The following ATP10B variants were observed in gnomAD, a reference collection of about 807,000 sequenced individuals.
ATP10B encodes phospholipid-transporting ATPase VB.
Under a neutral mutation model 141.2 loss-of-function variants are expected in ATP10B, and 122 were observed. The ratio of observed to expected loss-of-function variants is 0.86; its 90% CI spans 0.75 to 1.00. The LOEUF is 1.00. Among genes scored for constraint, ATP10B ranks in the 50% least tolerant of loss-of-function variants. The pLI is 0.00. For missense variants in ATP10B, 1,876 were observed against 1,825.3 expected (o/e 1.03, Z -0.51); for synonymous variants, 685 against 692.0 (o/e 0.99, Z 0.16).
chr5:160,920,164 A>C, the ATP10B span, among the ~76,000 whole-genome samples: 1 of 152,228 alleles, frequency 6.6e-6, no homozygotes, highest in Non-Finnish European at 1.5e-5. Flanking sequence ...TCAAGCACTT[A>C]CAGTCGATCG....
intron 25 of ATP10B, among the ~76,000 whole-genome samples, chr5:160,568,757 G>T (rs982211036): frequency 6.6e-6 from 1 of 152,166 alleles, no homozygotes; most frequent in South Asian, 2.1e-4. Flanking sequence ...AAAATGAGAG[G>T]CTAGATGGGA....
At chr5:160,846,264 G>T (rs887308435) in intron 1 of ATP10B, among the ~76,000 whole-genome samples, 3 of 152,138 alleles carry the variant, frequency 2.0e-5, no homozygotes, top group African/African-American at 7.2e-5. Context: ...AACTTGCCGT[G>T]TTGAGCAGGC....
At chr5:160,692,334 G>C (rs757588463) in intron 3 of ATP10B, among the ~76,000 whole-genome samples, 1 of 152,132 alleles carries the variant, frequency 6.6e-6, no homozygotes, top group Non-Finnish European at 1.5e-5. Context: ...TCACTTTTTA[G>C]TGGAGAAATG....
chr5:160,595,171 C>A (rs747974055), intron 22 of ATP10B, among the ~76,000 whole-genome samples: 14 of 152,290 alleles, frequency 9.2e-5, no homozygotes, highest in Admixed American at 2.0e-4. Flanking sequence ...TGTAAAAGAA[C>A]AGAAATTATA....
the ATP10B span, among the ~76,000 whole-genome samples, chr5:160,921,831 G>A: frequency 6.6e-6 from 1 of 152,224 alleles, no homozygotes; most frequent in Non-Finnish European, 1.5e-5. Context: ...TCGCAGGAGA[G>A]CAAAGATGGC....
chr5:160,906,162 C>T, the ATP10B span, among the ~76,000 whole-genome samples: 1 of 152,128 alleles, frequency 6.6e-6, no homozygotes, highest in Non-Finnish European at 1.5e-5. Flanking sequence ...CAAGAACTTA[C>T]AATGGATCAA....
chr5:160,649,255 T>C lies in ATP10B; in HGVS notation c.677A>G (p.Glu226Gly). 1 of 1,612,600 alleles carries C rather than the reference T, an allele frequency of 6.2e-7. No individual in the cohort carries two copies. The highest frequency in any genetic ancestry group is 1.1e-5 in the South Asian group (1 of 91,032). Residue 226 changes from glutamate to glycine, a missense_variant and splice_region_variant, in exon 8 of 26, where the codon GAG (glutamate) becomes GGG (glycine). Glu to Gly is a moderately conservative substitution (Grantham distance 98). Coordinates refer to ENST00000327245, the MANE Select transcript of ATP10B (RefSeq NM_025153.3). ...GAAAAGCTCTGGTTCGAACTGTACC[T>C]CCTGTGAGAGAGAGGACTCTGTGAG... ...RCVVKGFSQQEVQFEPELFHN... is the reference protein window; with the variant it reads ...RCVVKGFSQQGVQFEPELFHN...
At chr5:160,857,309 A>C in the ATP10B span, among the ~76,000 whole-genome samples, 1 of 151,268 alleles carries the variant, frequency 6.6e-6, no homozygotes, top group African/African-American at 2.4e-5. Flanking sequence ...TTTTTTAAGG[A>C]ATTGGTCCAT....
chr5:160,877,864 A>T, the ATP10B span, among the ~76,000 whole-genome samples: 114 of 139,222 alleles, frequency 8.2e-4, no homozygotes, highest in East Asian at 3.0e-3. Context: ...TACAAACCAC[A>T]GCTCAATGAA....
rs142474049 is a variant in ATP10B at position 160,804,530 on chromosome 5, A to G, written c.-575-18727T>C. On this transcript the variant is annotated intron_variant, in intron 1 of 25. Coordinates refer to ENST00000327245, the MANE Select transcript of ATP10B (RefSeq NM_025153.3). ...AGGGGGAAAACAGGCTTATGAGCCC[A>G]TAGTCATATAGCTGGTAAATTAGGA... 2.6e-3 allele frequency among the ~76,000 whole-genome samples: 399 copies of G among 152,344 alleles called. 1 individual carries two copies. Among genetic ancestry groups the G allele is most frequent in the South Asian group, 0.02 (95 of 4,826 alleles).
At chr5:160,908,973 C>T in the ATP10B span, among the ~76,000 whole-genome samples, 1 of 152,090 alleles carries the variant, frequency 6.6e-6, no homozygotes, top group Non-Finnish European at 1.5e-5. Flanking sequence ...AAATTTAGTT[C>T]ACTATCTTAA....
chr5:160,884,556 C>CT, the ATP10B span, among the ~76,000 whole-genome samples: 1 of 152,172 alleles, frequency 6.6e-6, no homozygotes, highest in Non-Finnish European at 1.5e-5. Flanking sequence ...ATGCTCTAAT[C>CT]TCCCTAATCT....
chr5:160,821,143 G>T (rs1259683445), intron 1 of ATP10B, among the ~76,000 whole-genome samples: 1 of 151,952 alleles, frequency 6.6e-6, no homozygotes, highest in African/African-American at 2.4e-5. Flanking sequence ...ATTCAGTACA[G>T]CACAGAAAAT....
At chr5:160,861,024 A>G in the ATP10B span, among the ~76,000 whole-genome samples, 2 of 151,906 alleles carry the variant, frequency 1.3e-5, no homozygotes, top group African/African-American at 2.4e-5. Flanking sequence ...TCTATCTTAA[A>G]AGATTATTTT....
At chr5:160,854,855 C>T (rs941381341), upstream of ATP10B, among the ~76,000 whole-genome samples, 6 of 152,060 alleles carry the variant, frequency 3.9e-5, no homozygotes, top group Non-Finnish European at 8.8e-5. Context: ...CATTTAATTC[C>T]CTCAAAAACT....
At chr5:160,799,997 T>C (rs1255245760) in intron 1 of ATP10B, among the ~76,000 whole-genome samples, 2 of 152,216 alleles carry the variant, frequency 1.3e-5, no homozygotes, top group Admixed American at 6.5e-5. Flanking sequence ...ATATTCTTCA[T>C]ATCATTTAAG....
At chr5:160,775,173 A>G (rs977743966) in intron 2 of ATP10B, among the ~76,000 whole-genome samples, 1 of 152,186 alleles carries the variant, frequency 6.6e-6, no homozygotes, top group Non-Finnish European at 1.5e-5. Context: ...GCCCTGGCCT[A>G]CGTCTCCCCA....
the ATP10B span, among the ~76,000 whole-genome samples, chr5:160,865,097 A>G: frequency 3.9e-5 from 6 of 152,104 alleles, no homozygotes; most frequent in Non-Finnish European, 8.8e-5. Flanking sequence ...TGGAACCAAA[A>G]AAGAGCCCAC....
Position 160,759,717 on chromosome 5 carries a change from C to T in ATP10B, c.-331+25842G>A, listed in dbSNP as rs183788500. On this transcript the variant is annotated intron_variant, in intron 2 of 25. Transcript: ENST00000327245. ...TTTTCTGTGCTCCCTCCAAGCATGCCTTTTCACCTTCCTCATGCAAACTTT... is the reference window on the plus strand; with the variant it reads ...TTTTCTGTGCTCCCTCCAAGCATGCTTTTTCACCTTCCTCATGCAAACTTT... Among the ~76,000 whole-genome samples, 371 of 152,330 alleles carry T rather than the reference C, an allele frequency of 2.4e-3. 3 individuals carry two copies. Among genetic ancestry groups the T allele is most frequent in the African/African-American group, 8.6e-3 (358 of 41,572 alleles).
Sources: allele counts gnomAD v4.1 joint callset (sites outside exome capture counted in the v4.1 genomes callset), GRCh38; gene constraint gnomAD v4.1.1; transcripts MANE v1.5; gene names NCBI Gene and HGNC (gene_info 2026-07-23, HGNC 2026-07-21).